BMPER: variants seen among roughly 807,000 people sequenced by gnomAD.
The protein encoded by BMPER is BMP-binding endothelial regulator protein.
A neutral mutation model predicts 87.3 loss-of-function variants in BMPER; 45 were observed. The ratio of observed to expected loss-of-function variants is 0.52; its 90% CI spans 0.41 to 0.66. The LOEUF (loss-of-function observed/expected upper bound fraction) is 0.66. BMPER is among the 30% of genes least tolerant of loss of function. The probability of loss-of-function intolerance (pLI) is 0.00; values close to 1 mark genes in which losing one functional copy is unlikely to be tolerated. For missense variants in BMPER, 784 were observed against 867.5 expected (o/e 0.90, Z 1.21); for synonymous variants, 326 against 316.2 (o/e 1.03, Z -0.33).
chr7:34,039,694 G>T (rs1279692382), intron 6 of BMPER, among the ~76,000 whole-genome samples: 1 of 151,822 alleles, frequency 6.6e-6, no homozygotes, highest in East Asian at 1.9e-4. Context: ...TATAGTGTGT[G>T]TATATGTGTA....
intron 12 of BMPER, among the ~76,000 whole-genome samples, chr7:34,084,697 G>C (rs1562733317): frequency 6.6e-6 from 1 of 152,148 alleles, no homozygotes; most frequent in Non-Finnish European, 1.5e-5. Flanking sequence ...GTGTCAGAGT[G>C]GATATGACAG....
Position 33,966,568 on chromosome 7 carries a change from T to C in BMPER, c.402+7T>C. The C allele has an allele frequency of 6.2e-7, 1 of 1,612,052 alleles. No individual in the cohort carries two copies. The highest frequency in any genetic ancestry group is 8.5e-7 in the Non-Finnish European group (1 of 1,178,280). ...TGTTCTACGCCAGTGCCAGGTAAAG[T>C]TCAATTATTTCTCTCTCCAGTAAAA... On this transcript the variant is annotated splice_region_variant and intron_variant, in intron 4 of 14. Coordinates refer to ENST00000649409, the MANE Select transcript of BMPER (RefSeq NM_001365308.1).
chr7:33,927,348 C>T (rs963206610), intron 2 of BMPER, among the ~76,000 whole-genome samples: 9 of 152,136 alleles, frequency 5.9e-5, no homozygotes, highest in Non-Finnish European at 5.9e-5. Flanking sequence ...AGGAGACATG[C>T]GCTGATGACA....
chr7:33,964,118 C>T (rs1001800672), intron 3 of BMPER, among the ~76,000 whole-genome samples: 7 of 152,100 alleles, frequency 4.6e-5, no homozygotes, highest in East Asian at 1.9e-4. Context: ...TCATTTAGCT[C>T]GTTAGTTTCA....
At chr7:33,939,723 C>G (rs1784705505) in intron 3 of BMPER, among the ~76,000 whole-genome samples, 1 of 152,162 alleles carries the variant, frequency 6.6e-6, no homozygotes, top group African/African-American at 2.4e-5. Flanking sequence ...GAAGAAGGTG[C>G]CTTGCTTCCC....
chr7:34,108,816 A>G (rs566732400), intron 13 of BMPER, among the ~76,000 whole-genome samples: 5 of 152,316 alleles, frequency 3.3e-5, no homozygotes, highest in Non-Finnish European at 7.4e-5. Context: ...GAATGTTCCT[A>G]AACATTAAAT....
At chr7:33,930,485 G>A (rs1446159540) in intron 2 of BMPER, among the ~76,000 whole-genome samples, 1 of 152,180 alleles carries the variant, frequency 6.6e-6, no homozygotes, top group Non-Finnish European at 1.5e-5. Context: ...CCAAGAGACT[G>A]AGAACAGACT....
intron 3 of BMPER, among the ~76,000 whole-genome samples, chr7:33,956,230 A>C (rs1785144873): frequency 6.6e-6 from 1 of 152,214 alleles, no homozygotes; most frequent in Non-Finnish European, 1.5e-5. Flanking sequence ...AAAATTGATA[A>C]ATTTACCTCA....
intron 2 of BMPER, chr7:33,921,995 C>G (rs528172438): frequency 2.6e-6 from 1 of 380,592 alleles, no homozygotes; most frequent in East Asian, 7.4e-5. Context: ...CCAGCAGGTC[C>G]CTTCCTCGTG....
At chr7:34,056,156 C>T (rs1336010146) in intron 9 of BMPER, among the ~76,000 whole-genome samples, 24 of 152,168 alleles carry the variant, frequency 1.6e-4, no homozygotes, top group Admixed American at 1.5e-3. Context: ...TGAAGTGTCG[C>T]ATGGTCTCAC....
At chr7:34,135,443 G>T (rs1790695797) in intron 13 of BMPER, among the ~76,000 whole-genome samples, 1 of 152,154 alleles carries the variant, frequency 6.6e-6, no homozygotes, top group African/African-American at 2.4e-5. Context: ...AGATTATGAG[G>T]ATTTGGATCC....
intron 5 of BMPER, 27 bp downstream of exon 5, chr7:33,970,446 G>A: frequency 6.2e-7 from 1 of 1,602,804 alleles, no homozygotes; most frequent in South Asian, 1.1e-5. Flanking sequence ...GGGGAGGCTG[G>A]AAATCTCTGT....
In BMPER at chr7:34,073,045, A is replaced by G. The variant is rs563281215; in HGVS notation, c.1079-5812A>G. Among the ~76,000 whole-genome samples, 7 of 152,258 alleles carry G rather than the reference A, an allele frequency of 4.6e-5. No homozygotes were observed. The East Asian group carries it at 9.7e-4, about 21-fold the overall frequency. On this transcript the variant is annotated intron_variant, in intron 11 of 14. Transcript: ENST00000649409. ...TTAGGCGATTTTGGTTACCTGCTGT[A>G]TGTGTCATTACACTGAACTATTTTA...
At chr7:34,043,293 G>C (rs921583409) in intron 6 of BMPER, among the ~76,000 whole-genome samples, 1 of 152,194 alleles carries the variant, frequency 6.6e-6, no homozygotes, top group Admixed American at 6.5e-5. Flanking sequence ...TGGTAACCCA[G>C]GGAACCAGAC....
intron 6 of BMPER, among the ~76,000 whole-genome samples, chr7:34,038,345 C>T (rs1787740992): frequency 6.6e-6 from 1 of 152,160 alleles, no homozygotes; most frequent in African/African-American, 2.4e-5. Flanking sequence ...GGGCCATCAG[C>T]CATGGAAGGC....
intron 12 of BMPER, among the ~76,000 whole-genome samples, chr7:34,085,286 T>A (rs1789168522): frequency 6.6e-6 from 1 of 152,196 alleles, no homozygotes; most frequent in Admixed American, 6.5e-5. Context: ...GATTTGGAAA[T>A]TTTCCTTTGG....
At chr7:34,078,128 A>C (rs17169642) in intron 11 of BMPER, among the ~76,000 whole-genome samples, 3,208 of 152,268 alleles carry the variant, frequency 0.021, 108 homozygotes, top group African/African-American at 0.074. Context: ...TAAGTATTTG[A>C]ATTAATGATA....
intron 6 of BMPER, among the ~76,000 whole-genome samples, chr7:33,991,706 G>C (rs1381678600): frequency 6.6e-6 from 1 of 151,070 alleles, no homozygotes. Context: ...TAATTGTGAT[G>C]TTAGGGTGTC....
intron 6 of BMPER, among the ~76,000 whole-genome samples, chr7:34,003,915 T>A (rs1265815802): frequency 6.6e-6 from 1 of 152,146 alleles, no homozygotes; most frequent in African/African-American, 2.4e-5. Context: ...TGAAGTTTAT[T>A]GAATTTCTTG....
Sources: allele counts gnomAD v4.1 joint callset (sites outside exome capture counted in the v4.1 genomes callset), GRCh38; gene constraint gnomAD v4.1.1; transcripts MANE v1.5; gene names NCBI Gene and HGNC (gene_info 2026-07-23, HGNC 2026-07-21).